STPG2: variants seen among roughly 807,000 people sequenced by gnomAD.
The protein encoded by STPG2 is sperm tail PG-rich repeat containing 2, also known as sperm-tail PG-rich repeat-containing protein 2.
Under a neutral mutation model 54.2 loss-of-function variants are expected in STPG2, and 56 were observed. The observed-to-expected ratio is 1.03, with a 90% confidence interval of 0.83 to 1.29. STPG2 has a LOEUF of 1.29. STPG2 is among the 50% of genes most tolerant of loss of function. STPG2 has a pLI of 0.00. For synonymous variants in STPG2, 200 were observed against 181.8 expected, an observed-to-expected ratio of 1.10 and a Z score of -0.81; for missense variants, 596 against 544.9, an observed-to-expected ratio of 1.09 and a Z score of -0.93.
At chr4:98,098,789 T>C (rs934410185) in intron 5 of STPG2, among the ~76,000 whole-genome samples, 4 of 151,882 alleles carry the variant, frequency 2.6e-5, no homozygotes, top group African/African-American at 9.7e-5. Flanking sequence ...AATCTAATAA[T>C]CCAATTTAAA....
intron 8 of STPG2, among the ~76,000 whole-genome samples, chr4:97,937,026 G>A (rs960744071): frequency 6.6e-6 from 1 of 151,792 alleles, no homozygotes; most frequent in Non-Finnish European, 1.5e-5. Flanking sequence ...TCAGTCATAG[G>A]TTCAGTATTT....
At chr4:97,962,789 T>C (rs1215562069) in intron 7 of STPG2, among the ~76,000 whole-genome samples, 1 of 152,208 alleles carries the variant, frequency 6.6e-6, no homozygotes, top group Non-Finnish European at 1.5e-5. Flanking sequence ...CAAAAAAGTA[T>C]ATTCAAACAC....
At chr4:97,790,989 A>G (rs1231513530) in intron 9 of STPG2, among the ~76,000 whole-genome samples, 1 of 152,188 alleles carries the variant, frequency 6.6e-6, no homozygotes, top group Non-Finnish European at 1.5e-5. Flanking sequence ...TCAGTTACGC[A>G]AATTCTACCA....
In STPG2 at chr4:97,861,506, T is replaced by C. The variant is rs186412953; in HGVS notation, c.1045-20574A>G. Among the ~76,000 whole-genome samples, 494 of 152,192 alleles carry C rather than the reference T, an allele frequency of 3.2e-3. 2 individuals carry two copies. Among genetic ancestry groups the C allele is most frequent in the Non-Finnish European group, 5.6e-3 (380 of 67,980 alleles). Reference sequence around the variant, plus strand: ...TCCCACTGCTAGGTGTATACCCATGTAACCAAAAGAAAAGAAATCAGTATA... The same window carrying C: ...TCCCACTGCTAGGTGTATACCCATGCAACCAAAAGAAAAGAAATCAGTATA... On this transcript the variant is annotated intron_variant, in intron 8 of 10. Transcript: ENST00000295268.
chr4:97,776,881 A>G (rs1202949553), intron 9 of STPG2, among the ~76,000 whole-genome samples: 1 of 152,198 alleles, frequency 6.6e-6, no homozygotes, highest in Non-Finnish European at 1.5e-5. Context: ...AACACTGTGA[A>G]ACTAAAAGAG....
chr4:97,958,400 A>G (rs972489814), intron 7 of STPG2, among the ~76,000 whole-genome samples: 9 of 151,764 alleles, frequency 5.9e-5, no homozygotes, highest in Non-Finnish European at 1.2e-4. Flanking sequence ...CAATACTAAC[A>G]TTGAATGTAC....
chr4:97,945,507 G>T (rs552417771), intron 7 of STPG2, among the ~76,000 whole-genome samples: 2 of 151,898 alleles, frequency 1.3e-5, no homozygotes, highest in Non-Finnish European at 2.9e-5. Context: ...TGTGAATTTG[G>T]CTACAATAAA....
chr4:97,958,671 T>C (rs1226550070), intron 7 of STPG2, among the ~76,000 whole-genome samples: 1 of 151,966 alleles, frequency 6.6e-6, no homozygotes, highest in Non-Finnish European at 1.5e-5. Flanking sequence ...CAGGAAAATA[T>C]CACAATCCTA....
chr4:97,849,578 AAAAC>A (rs1277836949), intron 8 of STPG2, among the ~76,000 whole-genome samples: 2 of 152,198 alleles, frequency 1.3e-5, no homozygotes, highest in African/African-American at 2.4e-5. Flanking sequence ...TCACAAGAAA[AAAAC>A]AAACAACCCC....
intron 10 of STPG2, among the ~76,000 whole-genome samples, chr4:97,569,542 AC>A: frequency 6.6e-6 from 1 of 152,308 alleles, no homozygotes; most frequent in South Asian, 2.1e-4. Context: ...GGCCTCTGAC[AC>A]AGTGATGGAT....
chr4:97,934,203 C>T (rs1732659645), intron 8 of STPG2, among the ~76,000 whole-genome samples: 1 of 152,128 alleles, frequency 6.6e-6, no homozygotes, highest in South Asian at 2.1e-4. Flanking sequence ...GATTTTTGCA[C>T]ATTGATTTTG....
chr4:97,609,702 T>C (rs1260879115), intron 10 of STPG2, among the ~76,000 whole-genome samples: 1 of 151,978 alleles, frequency 6.6e-6, no homozygotes, highest in Non-Finnish European at 1.5e-5. Context: ...AATTTCCATA[T>C]ATTTCGAAAT....
intron 9 of STPG2, among the ~76,000 whole-genome samples, chr4:97,795,465 T>G (rs541410248): frequency 1.3e-5 from 2 of 152,276 alleles, no homozygotes; most frequent in South Asian, 4.1e-4. Flanking sequence ...TTTGTCCTTG[T>G]GATAGTTTGC....
At chr4:97,867,119 T>C (rs1037195417) in intron 8 of STPG2, among the ~76,000 whole-genome samples, 1 of 152,016 alleles carries the variant, frequency 6.6e-6, no homozygotes, top group Non-Finnish European at 1.5e-5. Context: ...ATCCATTTAG[T>C]ACTGACACAA....
chr4:97,773,649 G>C (rs1375600234), intron 9 of STPG2, among the ~76,000 whole-genome samples: 1 of 152,022 alleles, frequency 6.6e-6, no homozygotes, highest in African/African-American at 2.4e-5. Flanking sequence ...GGCAAAAATA[G>C]TCACATTTTA....
At chr4:97,563,111 A>C (rs1022606753) in intron 10 of STPG2, among the ~76,000 whole-genome samples, 2 of 152,152 alleles carry the variant, frequency 1.3e-5, no homozygotes, top group African/African-American at 4.8e-5. Context: ...TTATTGCCAC[A>C]ATTTCAGAAC....
chr4:97,572,143 T>C (rs1399850187), intron 10 of STPG2, among the ~76,000 whole-genome samples: 2 of 152,212 alleles, frequency 1.3e-5, no homozygotes, highest in African/African-American at 4.8e-5. Flanking sequence ...TGCACTTGCT[T>C]GTTTACACAA....
In STPG2 at chr4:97,502,276, G is replaced by A. The variant is rs537134165; in HGVS notation, c.462+210423C>T. ...ACAAATCATAATTAAATTATTGTGC[G>A]TCCCTGATAAAAAAAAATACCTTAG... On this transcript the variant is annotated intron_variant, in intron 4 of 4. Coordinates refer to the STPG2 transcript ENST00000522676. Among the ~76,000 whole-genome samples, 11 of 151,782 alleles carry A rather than the reference G, an allele frequency of 7.2e-5. No individual in the cohort carries two copies. In the South Asian group the frequency reaches 1.0e-3, roughly 14 times the overall value.
intron 9 of STPG2, among the ~76,000 whole-genome samples, chr4:97,785,996 A>G (rs1484591313): frequency 6.6e-6 from 1 of 152,132 alleles, no homozygotes; most frequent in African/African-American, 2.4e-5. Flanking sequence ...GTTTAAGAAC[A>G]CAGGTGTCTA....
Sources: allele counts gnomAD v4.1 joint callset (sites outside exome capture counted in the v4.1 genomes callset), GRCh38; gene constraint gnomAD v4.1.1; transcripts MANE v1.5; gene names NCBI Gene and HGNC (gene_info 2026-07-23, HGNC 2026-07-21).